The following SARM1 variants were observed in gnomAD, a reference collection of about 807,000 sequenced individuals.
SARM1 encodes NAD(+) hydrolase SARM1.
SARM1 carries 60 observed loss-of-function variants against 65.1 expected under a neutral mutation model. The ratio of observed to expected loss-of-function variants is 0.92; its 90% CI spans 0.75 to 1.14. SARM1 has a LOEUF of 1.14. Ranked by LOEUF, SARM1 falls within the 50% of genes most tolerant of loss-of-function variation. SARM1 has a pLI of 0.00. For synonymous variants in SARM1, 417 were observed against 465.4 expected (o/e 0.90, Z 1.34); for missense variants, 913 against 1,015.7 (o/e 0.90, Z 1.37).
chr17:28,388,646 G>A, intron 7 of SARM1, 107 bp downstream of exon 7: 1 of 1,193,158 alleles, frequency 8.4e-7, no homozygotes, highest in Non-Finnish European at 1.2e-6. Flanking sequence ...ACTTAGCCCT[G>A]AAGCACCTCC....
intron 1 of SARM1, among the ~76,000 whole-genome samples, chr17:28,374,775 A>G (rs2067979481): frequency 6.6e-6 from 1 of 151,798 alleles, no homozygotes; most frequent in African/African-American, 2.4e-5. Context: ...CCAGGAGTTC[A>G]AGACCAGCCT....
chr17:28,379,197 G>T (rs2068007977), intron 1 of SARM1, among the ~76,000 whole-genome samples: 4 of 151,842 alleles, frequency 2.6e-5, no homozygotes, highest in Admixed American at 2.6e-4. Flanking sequence ...TATGTGTGTG[G>T]AGAGTGGTCA....
intron 7 of SARM1, chr17:28,395,659 C>T: frequency 4.2e-6 from 2 of 470,908 alleles, no homozygotes; most frequent in Non-Finnish European, 7.7e-6. Context: ...CTTTAGCATA[C>T]AAAGACACTC....
Position 28,372,108 on chromosome 17 carries a change from G to A in SARM1, c.76G>A (p.Glu26Lys), listed in dbSNP as rs781845348. 12 of 1,477,888 alleles carry A rather than the reference G, an allele frequency of 8.1e-6. No homozygotes were observed. Among genetic ancestry groups the A allele is most frequent in the East Asian group, 2.9e-5 (1 of 33,908 alleles). 91.5% of individuals were successfully genotyped at this position (1,477,888 alleles called of 1,614,324 possible). A position where few individuals can be genotyped will look rare whatever the true frequency, so the allele number is the denominator to read the frequency against. ...CATGTCGGGCCCACGGCCGGGCGCC[G>A]AGCGGCTGGCGGTGCCTGGGCCAGA... Reference protein sequence around the residue: ...FAMSGPRPGAERLAVPGPDGG... With the variant: ...FAMSGPRPGAKRLAVPGPDGG... Residue 26 changes from glutamate to lysine, a missense_variant, in exon 1 of 9, where the codon GAG becomes AAG. Coordinates refer to ENST00000585482, the MANE Select transcript of SARM1 (RefSeq NM_015077.4). The surrounding 1 kb of genome is among the most constrained non-coding windows in gnomAD (Gnocchi z 5.2).
At position 28,372,571 on chromosome 17, in the gene SARM1, G is replaced by A; in HGVS notation, c.470+69G>A. The stretch of plus-strand genomic sequence containing the variant: ...GACAGTTAAGCGCCTGCGTTCCCGT[G>A]TGCCTTGCGCCGTGCCTTTGCCTCC... On this transcript the variant is annotated intron_variant, in intron 1 of 8. Coordinates refer to ENST00000585482, the MANE Select transcript of SARM1 (RefSeq NM_015077.4). This position sits in a 1 kb window ranked among gnomAD's most constrained non-coding sequence, Gnocchi z 5.2. The A allele has an allele frequency of 1.6e-6, 2 of 1,287,230 alleles. No individual in the cohort carries two copies. Among genetic ancestry groups the A allele is most frequent in the Non-Finnish European group, 2.1e-6 (2 of 956,032 alleles). The allele number at this position is 1,287,230 out of a possible 1,614,324, so 79.7% of individuals were successfully genotyped here.
rs1177806536 is a variant in SARM1 at position 28,396,495 on chromosome 17, C to T, written c.*209C>T. The stretch of plus-strand genomic sequence containing the variant: ...AGGGAAGGGAAGTCAGGCTTGGGCA[C>T]GGGAGGTTAGAACTCCCCCAGGCCC... On this transcript the variant is annotated 3_prime_UTR_variant, in exon 9 of 9. Coordinates refer to ENST00000585482, the MANE Select transcript of SARM1 (RefSeq NM_015077.4). The T allele has an allele frequency of 9.7e-6, 6 of 619,756 alleles. No homozygotes were observed. The highest frequency in any genetic ancestry group is 2.8e-5 in the East Asian group (1 of 35,450). 38.4% of individuals were successfully genotyped at this position (619,756 alleles called of 1,614,324 possible).
chr17:28,394,694 A>G (rs947537651), intron 7 of SARM1: 1 of 152,220 alleles, frequency 6.6e-6, no homozygotes, highest in Non-Finnish European at 1.5e-5. Context: ...AATGAGATTC[A>G]GAAAATAAGA....
rs1555586355 is a variant in SARM1, at chr17:28,388,271, G to A, written c.1728G>A (p.Leu576=). Residue 576 remains leucine, a synonymous_variant, in exon 6 of 9, where the codon CTG becomes CTA. Coordinates refer to ENST00000585482, the MANE Select transcript of SARM1 (RefSeq NM_015077.4). ...ISYRRNSGSQ[L]ASLLKVHLQL... is the part of the protein sequence containing the mutation. ...ACCGCCGGAACTCAGGTTCCCAGCT[G>A]GCCAGGTGAGGAGGGGCGGGCGGGC... is the stretch of plus-strand genomic sequence containing the variant. 6 of 1,557,820 alleles carry A rather than the reference G, an allele frequency of 3.9e-6. No homozygotes were observed. The South Asian group carries it at 4.7e-5, about 12-fold the overall frequency.
chr17:28,394,359 G>A (rs539442057), intron 7 of SARM1, among the ~76,000 whole-genome samples: 5 of 152,310 alleles, frequency 3.3e-5, no homozygotes, highest in African/African-American at 9.6e-5. Flanking sequence ...AAATAAGTAA[G>A]GAGTACAATT....
rs1555585207 is a variant in SARM1 at position 28,381,381 on chromosome 17, C to T, written c.649C>T (p.Arg217Cys). Reference protein sequence around the residue: ...GLDAVLYWCRRTDPALLRHCA... With the variant: ...GLDAVLYWCRCTDPALLRHCA... ...GGACGCGGTGCTGTATTGGTGCCGC[C>T]GCACGGACCCCGCGCTGCTGCGCCA... Residue 217 changes from arginine to cysteine, a missense_variant, in exon 2 of 9, where the codon CGC becomes TGC. This residue lies in a region of SARM1 where 862 missense variants were observed against 952.1 expected (regional missense o/e 0.91). Coordinates refer to ENST00000585482, the MANE Select transcript of SARM1 (RefSeq NM_015077.4). 1 of 1,563,082 alleles carries T rather than the reference C, an allele frequency of 6.4e-7. No individual in the cohort carries two copies. The highest frequency in any genetic ancestry group is 8.7e-7 in the Non-Finnish European group (1 of 1,154,470).
chr17:28,379,299 C>CTTTTTT (rs1193480505), intron 1 of SARM1, among the ~76,000 whole-genome samples: 12 of 78,376 alleles, frequency 1.5e-4, no homozygotes, highest in African/African-American at 5.5e-4. Context: ...CCATTTAGAT[C>CTTTTTT]TTTTTTTTTT....
In SARM1 at chr17:28,385,323, G is replaced by C; in HGVS notation, c.1630+48G>C. On this transcript the variant is annotated intron_variant, in intron 5 of 8. Transcript: ENST00000585482. This position sits in a 1 kb window ranked among gnomAD's most constrained non-coding sequence, Gnocchi z 4.5. ...CCGCCCCAGCCCCAGCCCCAGCCACGGCCCTGGAATGGTGAGGGGAGACAC... is the reference window on the plus strand; with the variant it reads ...CCGCCCCAGCCCCAGCCCCAGCCACCGCCCTGGAATGGTGAGGGGAGACAC... 7.2e-7 allele frequency: 1 copy of C among 1,392,328 alleles called. No homozygotes were observed. Among genetic ancestry groups the C allele is most frequent in the Non-Finnish European group, 9.6e-7 (1 of 1,046,894 alleles). The allele number at this position is 1,392,328 out of a possible 1,614,324, so 86.2% of individuals were successfully genotyped here.
chr17:28,382,207 A>C (rs1555585397), intron 2 of SARM1, among the ~76,000 whole-genome samples: 3 of 152,056 alleles, frequency 2.0e-5, no homozygotes, highest in Admixed American at 2.0e-4. Context: ...GATTCAAGAG[A>C]TGTTTAAGAG....
Position 28,381,794 on chromosome 17 carries a change from C to T in SARM1, c.1062C>T (p.Ala354=), listed in dbSNP as rs924871048. The part of the protein sequence containing the change: ...IGAFYLCAEA[A]IKSLQGKTKV... ...CTTTCTACCTCTGCGCCGAGGCTGC[C>T]ATCAAGAGCCTGCAAGGCAAGACCA... is the stretch of plus-strand genomic sequence containing the variant. Residue 354 remains alanine (A), a synonymous_variant, in exon 2 of 9, where the codon GCC becomes GCT. Coordinates refer to ENST00000585482, the MANE Select transcript of SARM1 (RefSeq NM_015077.4). The T allele has an allele frequency of 2.8e-6, 4 of 1,453,430 alleles. No individual in the cohort carries two copies. Among genetic ancestry groups the T allele is most frequent in the African/African-American group, 1.4e-5 (1 of 69,060 alleles). The allele number at this position is 1,453,430 out of a possible 1,614,324, so 90.0% of individuals were successfully genotyped here.
intron 1 of SARM1, 107 bp from the exon 2 acceptor site, chr17:28,381,096 T>G: frequency 1.5e-6 from 2 of 1,337,210 alleles, no homozygotes; most frequent in Non-Finnish European, 2.0e-6. Flanking sequence ...CTCCCCTATA[T>G]GAGGCCGGTG....
intron 7 of SARM1, chr17:28,395,422 C>A (rs1302271049): frequency 6.4e-6 from 1 of 157,412 alleles, no homozygotes; most frequent in Non-Finnish European, 1.4e-5. Flanking sequence ...TTCAAAACCC[C>A]TTGTTTGGGG....
intron 5 of SARM1, among the ~76,000 whole-genome samples, chr17:28,387,089 C>CA (rs1555586105): frequency 6.6e-6 from 1 of 152,014 alleles, no homozygotes; most frequent in Non-Finnish European, 1.5e-5. Context: ...AAATAGCTTA[C>CA]AAAAAATAGT....
rs1555584114 is a variant in SARM1, at chr17:28,372,111, C to A, written c.79C>A (p.Arg27=). The A allele has an allele frequency of 1.4e-6, 2 of 1,473,512 alleles. No homozygotes were observed. Among genetic ancestry groups the A allele is most frequent in the Non-Finnish European group, 8.9e-7 (1 of 1,118,778 alleles). 91.3% of individuals were successfully genotyped at this position (1,473,512 alleles called of 1,614,324 possible). The part of the protein sequence containing the change: ...AMSGPRPGAE[R]LAVPGPDGGG... ...GTCGGGCCCACGGCCGGGCGCCGAG[C>A]GGCTGGCGGTGCCTGGGCCAGATGG... Residue 27 remains arginine (R), a synonymous_variant, in exon 1 of 9, where the codon CGG becomes AGG. Transcript: ENST00000585482. This position sits in a 1 kb window ranked among gnomAD's most constrained non-coding sequence, Gnocchi z 5.2.
intron 5 of SARM1, 166 bp from the exon 6 acceptor site, chr17:28,388,008 C>G (rs1387576693): frequency 1.6e-6 from 1 of 624,452 alleles, no homozygotes; most frequent in African/African-American, 1.8e-5. Flanking sequence ...AATAACATGA[C>G]CTTCCTCCTG....
Sources: gnomAD v4.1 joint callset for allele counts (sites outside exome capture counted in the v4.1 genomes callset) on GRCh38, gnomAD v4.1.1 for gene constraint, gnomAD v4.1.1 regional missense constraint, Gnocchi (gnomAD v3.1) non-coding constraint, MANE v1.5 for transcripts, NCBI Gene and HGNC (gene_info 2026-07-23, HGNC 2026-07-21) for gene names.